Variants in SHROOM3 observed in about 807,000 individuals in gnomAD.
The protein encoded by SHROOM3 is protein Shroom3.
Under a neutral mutation model 138.6 loss-of-function variants are expected in SHROOM3, and 47 were observed. The ratio of observed to expected loss-of-function variants is 0.34; its 90% CI spans 0.27 to 0.43. The LOEUF (loss-of-function observed/expected upper bound fraction) is 0.43. Among genes scored for constraint, SHROOM3 ranks in the 20% least tolerant of loss-of-function variants. The pLI is 1.00. For missense variants in SHROOM3, 2,491 were observed against 2,596.5 expected, an observed-to-expected ratio of 0.96 and a Z score of 0.88; for synonymous variants, 1,062 against 1,063.3, an observed-to-expected ratio of 1.00 and a Z score of 0.02.
intron 10 of SHROOM3, among the ~76,000 whole-genome samples, chr4:76,771,720 C>T (rs549773779): frequency 3.5e-4 from 54 of 152,260 alleles, no homozygotes; most frequent in Non-Finnish European, 4.4e-4. Context: ...TGAGCTTATG[C>T]GCAGTCTCAT....
chr4:76,727,423 A>G (rs939351108), intron 3 of SHROOM3, among the ~76,000 whole-genome samples: 5 of 152,242 alleles, frequency 3.3e-5, no homozygotes, highest in African/African-American at 9.6e-5. Flanking sequence ...GTGATAAACC[A>G]GGAATCTAAG....
chr4:76,681,051 GA>G (rs1027562162), intron 2 of SHROOM3, among the ~76,000 whole-genome samples: 19 of 152,334 alleles, frequency 1.2e-4, no homozygotes, highest in African/African-American at 4.1e-4. Flanking sequence ...AGATCTTGAA[GA>G]TGGCCTAAAG....
chr4:76,716,666 C>T (rs1440643140), intron 3 of SHROOM3, among the ~76,000 whole-genome samples: 2 of 152,104 alleles, frequency 1.3e-5, no homozygotes, highest in African/African-American at 2.4e-5. Flanking sequence ...TAAATACAGT[C>T]GCCCTATTTT....
intron 1 of SHROOM3, among the ~76,000 whole-genome samples, chr4:76,553,725 A>G (rs1416113343): frequency 6.6e-6 from 1 of 152,102 alleles, no homozygotes; most frequent in Non-Finnish European, 1.5e-5. Flanking sequence ...TCCTGAGCTC[A>G]GGCAATCCAA....
chr4:76,487,064 A>G lies in SHROOM3; in HGVS notation c.168+50844A>G, dbSNP rs369496555. Among the ~76,000 whole-genome samples the G allele has an allele frequency of 3.3e-5, 5 of 152,224 alleles. No individual in the cohort carries two copies. The East Asian group carries it at 5.8e-4, about 18-fold the overall frequency. On this transcript the variant is annotated intron_variant, in intron 1 of 10. Coordinates refer to ENST00000296043, the MANE Select transcript of SHROOM3 (RefSeq NM_020859.4). ...TCACCACCCCACCCCCAGAAAAATA[A>G]ACCTCATGCCCATTAACAGTCATTC...
chr4:76,740,648 C>G lies in SHROOM3; in HGVS notation c.2475C>G (p.Phe825Leu). Residue 825 changes from phenylalanine (F) to leucine (L), a missense_variant, in exon 5 of 11, where the codon TTC (phenylalanine) becomes TTG (leucine). Transcript: ENST00000296043. This position sits in a 1 kb window ranked among gnomAD's most constrained non-coding sequence, Gnocchi z 4.0. ...VSTSSTSGND[F>L]EETKAHIRFS... ...CTTCCAGTACTTCTGGGAATGACTT[C>G]GAGGAGACAAAAGCACACATTCGTT... The G allele has an allele frequency of 7.4e-6, 12 of 1,614,156 alleles. No homozygotes were observed. Among genetic ancestry groups the G allele is most frequent in the Non-Finnish European group, 9.3e-6 (11 of 1,180,032 alleles).
At chr4:76,766,071 C>G (rs1426377353) in intron 9 of SHROOM3, among the ~76,000 whole-genome samples, 2 of 152,150 alleles carry the variant, frequency 1.3e-5, no homozygotes, top group African/African-American at 4.8e-5. Flanking sequence ...GCGTTTAAGC[C>G]TGGCTCTGTC....
intron 1 of SHROOM3, among the ~76,000 whole-genome samples, chr4:76,503,188 C>G (rs1017696639): frequency 3.2e-4 from 48 of 151,238 alleles, no homozygotes; most frequent in African/African-American, 1.2e-3. Flanking sequence ...CACACACACA[C>G]ACACACACAT....
intron 9 of SHROOM3, among the ~76,000 whole-genome samples, chr4:76,763,783 A>G (rs781480756): frequency 1.3e-5 from 2 of 152,204 alleles, no homozygotes; most frequent in African/African-American, 2.4e-5. Context: ...GTGTAATTGA[A>G]TTTTCATTGG....
chr4:76,689,206 G>A lies in SHROOM3; in HGVS notation c.324-20950G>A, dbSNP rs114188768. Reference sequence around the variant, plus strand: ...CCCCTTAATACCGTAAGGACCCAAGGACCGCGGAGGGGCGAGTGGAGCGCG... The same window carrying A: ...CCCCTTAATACCGTAAGGACCCAAGAACCGCGGAGGGGCGAGTGGAGCGCG... On this transcript the variant is annotated intron_variant, in intron 2 of 10. Transcript: ENST00000296043. 3.9e-3 allele frequency among the ~76,000 whole-genome samples: 601 copies of A among 152,186 alleles called. 3 individuals are homozygous for A. The highest frequency in any genetic ancestry group is 0.014 in the African/African-American group (577 of 41,540).
At chr4:76,475,994 C>A (rs192989104) in intron 1 of SHROOM3, among the ~76,000 whole-genome samples, 3 of 152,292 alleles carry the variant, frequency 2.0e-5, no homozygotes, top group East Asian at 1.9e-4. Flanking sequence ...TAAAAAAATT[C>A]TGTTCTAGAA....
chr4:76,556,109 T>G (rs1288902207), intron 2 of SHROOM3, among the ~76,000 whole-genome samples: 3 of 152,200 alleles, frequency 2.0e-5, no homozygotes, highest in African/African-American at 7.2e-5. Flanking sequence ...CTGGTGGGAC[T>G]AGAGAAAGAA....
chr4:76,521,192 T>G (rs939496406), intron 1 of SHROOM3, among the ~76,000 whole-genome samples: 5 of 152,200 alleles, frequency 3.3e-5, no homozygotes, highest in Admixed American at 1.3e-4. Context: ...AACACTGACG[T>G]GATTAAATAT....
intron 1 of SHROOM3, among the ~76,000 whole-genome samples, chr4:76,452,595 C>A (rs1325537121): frequency 1.3e-5 from 2 of 152,150 alleles, no homozygotes; most frequent in East Asian, 3.8e-4. Flanking sequence ...GAATAATATT[C>A]CATTGTATCT....
At chr4:76,512,566 G>C (rs147760951) in intron 1 of SHROOM3, among the ~76,000 whole-genome samples, 2,193 of 152,246 alleles carry the variant, frequency 0.014, 35 homozygotes, top group Non-Finnish European at 0.022. Context: ...CTTGGGGATC[G>C]AGGGACAAGG....
intron 2 of SHROOM3, among the ~76,000 whole-genome samples, chr4:76,659,087 C>T (rs17002148): frequency 0.31 from 47,295 of 151,602 alleles, 7,533 homozygotes; most frequent in East Asian, 0.43. Flanking sequence ...ATTCTTCCTT[C>T]TCGGTTGGTC....
At chr4:76,445,355 A>G (rs1176574923) in intron 1 of SHROOM3, among the ~76,000 whole-genome samples, 1 of 152,160 alleles carries the variant, frequency 6.6e-6, no homozygotes, top group African/African-American at 2.4e-5. Context: ...TGTATATGCT[A>G]ATTTCAGGGT....
chr4:76,667,069 G>A (rs1170814110), intron 2 of SHROOM3, among the ~76,000 whole-genome samples: 1 of 152,188 alleles, frequency 6.6e-6, no homozygotes, highest in Non-Finnish European at 1.5e-5. Flanking sequence ...GCAGGGGCTG[G>A]GGAATGGGAG....
At chr4:76,670,250 A>G (rs1205992295) in intron 2 of SHROOM3, among the ~76,000 whole-genome samples, 1 of 152,262 alleles carries the variant, frequency 6.6e-6, no homozygotes, top group African/African-American at 2.4e-5. Flanking sequence ...ATAGAATACT[A>G]TTCTACAATA....
Sources: allele counts gnomAD v4.1 joint callset (sites outside exome capture counted in the v4.1 genomes callset), GRCh38; gene constraint gnomAD v4.1.1; non-coding constraint Gnocchi (gnomAD v3.1); transcripts MANE v1.5; gene names NCBI Gene and HGNC (gene_info 2026-07-23, HGNC 2026-07-21).